Variants in GPC6 observed in about 807,000 individuals in gnomAD.
GPC6 encodes the protein glypican-6.
GPC6 carries 14 observed loss-of-function variants against 55.2 expected under a neutral mutation model. That is an observed-to-expected ratio of 0.25 (90% confidence interval 0.17 to 0.40). The LOEUF is 0.40. GPC6 is among the 10% of genes least tolerant of loss of function. GPC6 has a pLI of 1.00. For missense variants in GPC6, 641 were observed against 708.5 expected, an observed-to-expected ratio of 0.90 and a Z score of 1.08; for synonymous variants, 278 against 259.6, an observed-to-expected ratio of 1.07 and a Z score of -0.68.
In GPC6 at chr13:94,022,883, C is replaced by CT. The variant is rs1376780995; in HGVS notation, c.712-4846_712-4845insT. On this transcript the variant is annotated intron_variant, in intron 3 of 8. Transcript: ENST00000377047. ...TGTGTCATCTTTGGAGAAATGTCTTCATAAGTCCTTGATAAAAGATTATGA... is the reference window on the plus strand; with the variant it reads ...TGTGTCATCTTTGGAGAAATGTCTTCTATAAGTCCTTGATAAAAGATTATGA... Among the ~76,000 whole-genome samples the CT allele has an allele frequency of 7.9e-5, 12 of 152,114 alleles. No individual in the cohort carries two copies. The East Asian group carries it at 2.3e-3, about 29-fold the overall frequency.
chr13:94,208,006 C>T (rs529112729), intron 4 of GPC6, among the ~76,000 whole-genome samples: 10 of 152,180 alleles, frequency 6.6e-5, no homozygotes, highest in Admixed American at 2.0e-4. Context: ...TTGTAGAGAA[C>T]GTAAAATTTA....
At chr13:94,349,793 T>G (rs112206595) in intron 6 of GPC6, among the ~76,000 whole-genome samples, 10 of 152,150 alleles carry the variant, frequency 6.6e-5, no homozygotes, top group Non-Finnish European at 1.5e-4. Flanking sequence ...GGCATTTCCT[T>G]TGTAACTGTG....
intron 2 of GPC6, among the ~76,000 whole-genome samples, chr13:93,785,688 C>A (rs1885797001): frequency 1.3e-5 from 2 of 152,104 alleles, no homozygotes; most frequent in African/African-American, 4.8e-5. Context: ...AAGTCAGGCA[C>A]CATGATTCAT....
chr13:93,623,489 C>T (rs1415881398), intron 2 of GPC6, among the ~76,000 whole-genome samples: 7 of 121,980 alleles, frequency 5.7e-5, no homozygotes, highest in South Asian at 2.5e-4. Context: ...GACGGAGTCT[C>T]GCTCTCTCGC....
At chr13:93,350,124 T>A (rs1004296156) in intron 1 of GPC6, among the ~76,000 whole-genome samples, 2 of 152,192 alleles carry the variant, frequency 1.3e-5, no homozygotes, top group Non-Finnish European at 2.9e-5. Flanking sequence ...AATCAAATCA[T>A]TTTTGGTTTT....
chr13:93,858,659 G>A (rs923850806), intron 3 of GPC6, among the ~76,000 whole-genome samples: 4 of 151,562 alleles, frequency 2.6e-5, no homozygotes, highest in Non-Finnish European at 4.4e-5. Flanking sequence ...ACGGAGGAGG[G>A]AAGGAGGAGA....
At chr13:93,673,179 G>T (rs1268215193) in intron 2 of GPC6, among the ~76,000 whole-genome samples, 2 of 152,146 alleles carry the variant, frequency 1.3e-5, no homozygotes, top group Non-Finnish European at 2.9e-5. Flanking sequence ...CAGAGCATGA[G>T]TCCCAGTGCC....
chr13:93,322,380 G>T (rs1879477653), intron 1 of GPC6, among the ~76,000 whole-genome samples: 1 of 147,664 alleles, frequency 6.8e-6, no homozygotes, highest in South Asian at 2.1e-4. Context: ...GTGAGAACGT[G>T]TGGTATTCAG....
At chr13:93,297,061 G>T (rs549208472) in intron 1 of GPC6, among the ~76,000 whole-genome samples, 1 of 152,128 alleles carries the variant, frequency 6.6e-6, no homozygotes, top group African/African-American at 2.4e-5. Context: ...AGCTTCAGCC[G>T]CCAGATGCGT....
chr13:94,319,416 CTTATG>C lies in GPC6; in HGVS notation c.1152+13296_1152+13300del, dbSNP rs777644566. ...TTATTATGGGATAATTTCGTTCTGTCTTATGTTGTGTGTGTTTTACACAAAACAAA... is the reference window on the plus strand; with the variant it reads ...TTATTATGGGATAATTTCGTTCTGTCTTGTGTGTGTTTTACACAAAACAAA... On this transcript the variant is annotated intron_variant, in intron 6 of 8. Transcript: ENST00000377047. Among the ~76,000 whole-genome samples, 135 of 152,192 alleles carry C rather than the reference CTTATG, an allele frequency of 8.9e-4. 1 individual carries two copies. Among genetic ancestry groups the C allele is most frequent in the Non-Finnish European group, 1.0e-3 (68 of 67,994 alleles).
rs9301880 is a variant in GPC6 at position 93,412,333 on chromosome 13, G to A, written c.161-132930G>A. On this transcript the variant is annotated intron_variant, in intron 1 of 8. Transcript: ENST00000377047. ...CCAGTATGGTTTACTAACTGCCAAAGGTACCATTTAATACATCTTTCATTA... is the reference window on the plus strand; with the variant it reads ...CCAGTATGGTTTACTAACTGCCAAAAGTACCATTTAATACATCTTTCATTA... Among the ~76,000 whole-genome samples, 583 of 152,178 alleles carry A rather than the reference G, an allele frequency of 3.8e-3. 5 individuals are homozygous for A. Among genetic ancestry groups the A allele is most frequent in the African/African-American group, 0.013 (553 of 41,532 alleles).
intron 2 of GPC6, among the ~76,000 whole-genome samples, chr13:93,596,942 G>C (rs1205700757): frequency 4.1e-5 from 6 of 144,984 alleles, no homozygotes; most frequent in East Asian, 4.1e-4. Flanking sequence ...CTGATGGTAT[G>C]GTTCCAAAAC....
chr13:94,351,954 G>A (rs904338433), intron 6 of GPC6, among the ~76,000 whole-genome samples: 15 of 79,764 alleles, frequency 1.9e-4, no homozygotes, highest in Admixed American at 1.5e-4. Context: ...AGAGGAGAGA[G>A]AAGAAGGCAA....
chr13:93,220,272 A>G, the GPC6 span, among the ~76,000 whole-genome samples: 4 of 152,208 alleles, frequency 2.6e-5, no homozygotes, highest in Admixed American at 6.5e-5. Flanking sequence ...AAGGAATGCC[A>G]TTGTTTATGA....
At chr13:94,364,839 A>T (rs1219279198) in intron 6 of GPC6, among the ~76,000 whole-genome samples, 2 of 152,192 alleles carry the variant, frequency 1.3e-5, no homozygotes, top group African/African-American at 4.8e-5. Context: ...TATCTATAAT[A>T]TAGGGAAGCT....
intron 2 of GPC6, among the ~76,000 whole-genome samples, chr13:93,788,093 GA>G (rs1391312630): frequency 3.3e-5 from 5 of 152,096 alleles, no homozygotes; most frequent in African/African-American, 1.2e-4. Context: ...TGCTATAATA[GA>G]ACACCATAAA....
chr13:93,534,512 C>T (rs1254011014), intron 1 of GPC6, among the ~76,000 whole-genome samples: 1 of 152,074 alleles, frequency 6.6e-6, no homozygotes, highest in East Asian at 1.9e-4. Flanking sequence ...TTAACGAGGC[C>T]CTCCTGTCTC....
chr13:93,807,826 T>C (rs1419295292), intron 2 of GPC6, among the ~76,000 whole-genome samples: 2 of 152,234 alleles, frequency 1.3e-5, no homozygotes, highest in Non-Finnish European at 2.9e-5. Context: ...GGTTATATAC[T>C]TGAACATACT....
chr13:93,582,029 G>A (rs1051001003), intron 2 of GPC6, among the ~76,000 whole-genome samples: 2 of 152,148 alleles, frequency 1.3e-5, no homozygotes, highest in African/African-American at 2.4e-5. Context: ...AGAGAGAGAC[G>A]GTTCACATGA....
Sources: gnomAD v4.1 joint callset for allele counts (sites outside exome capture counted in the v4.1 genomes callset) on GRCh38, gnomAD v4.1.1 for gene constraint, MANE v1.5 for transcripts, NCBI Gene and HGNC (gene_info 2026-07-23, HGNC 2026-07-21) for gene names.